The following COX17 variants were observed in gnomAD, a reference collection of about 807,000 sequenced individuals.
The protein encoded by COX17 is cytochrome c oxidase copper chaperone.
Under a neutral mutation model 6.3 loss-of-function variants are expected in COX17, and 1 was observed. That is an observed-to-expected ratio of 0.16 (90% CI 0.06 to 0.75). The LOEUF is 0.75. Ranked by LOEUF, COX17 falls within the 30% of genes least tolerant of loss-of-function variation. COX17 has a pLI of 0.77. For synonymous variants in COX17, 26 were observed against 30.5 expected (o/e 0.85, Z 0.49); for missense variants, 73 against 81.2 (o/e 0.90, Z 0.39).
chr3:119,674,268 G>T (rs1364463867), intron 2 of COX17: 1 of 152,358 alleles, frequency 6.6e-6, no homozygotes, highest in African/African-American at 2.4e-5. Flanking sequence ...CCCACGTCTG[G>T]GAAGTGAGGA....
downstream of COX17, chr3:119,665,210 T>C (rs1158053622): frequency 6.6e-6 from 1 of 152,182 alleles, no homozygotes; most frequent in Admixed American, 6.5e-5. Context: ...GTGGGGGAGC[T>C]TCTGGGAAAA....
In COX17 at chr3:119,677,306, G is replaced by A. The variant is rs11558040; in HGVS notation, c.5C>T (p.Pro2Leu). Residue 2 changes from proline (P) to leucine (L), a missense_variant, in exon 1 of 3, where the codon CCG (proline) becomes CTG (leucine). Pro to Leu is a moderately conservative substitution (Grantham distance 98). Coordinates refer to ENST00000261070, the MANE Select transcript of COX17 (RefSeq NM_005694.2). ...GGCAGGGTTTGAGTCAACCAGACCC[G>A]GCATCTTTCGCGCCAAAAGCAGCTA... Reference protein sequence around the residue: MPGLVDSNPAPP... With the variant: MLGLVDSNPAPP... 1.2e-6 allele frequency: 2 copies of A among 1,610,966 alleles called. No individual in the cohort carries two copies. Among genetic ancestry groups the A allele is most frequent in the African/African-American group, 1.3e-5 (1 of 74,982 alleles).
chr3:119,667,376 T>C (rs1559734027), downstream of COX17, among the ~76,000 whole-genome samples: 1 of 152,180 alleles, frequency 6.6e-6, no homozygotes, highest in East Asian at 1.9e-4. Context: ...CTTTTAAGTG[T>C]TGCAGAGGCC....
chr3:119,667,137 TAG>T, downstream of COX17, among the ~76,000 whole-genome samples: 1 of 152,196 alleles, frequency 6.6e-6, no homozygotes, highest in African/African-American at 2.4e-5. Flanking sequence ...AACGGGGGAC[TAG>T]AGAGAATAGT....
intron 1 of COX17, 67 bp from the exon 2 acceptor site, chr3:119,675,300 G>A: frequency 8.9e-7 from 1 of 1,119,184 alleles, no homozygotes; most frequent in Non-Finnish European, 1.4e-6. Flanking sequence ...GCATGATAGT[G>A]ATGGGGAGTG....
chr3:119,667,897 AC>A (rs1287002767), downstream of COX17, among the ~76,000 whole-genome samples: 25 of 152,184 alleles, frequency 1.6e-4, no homozygotes, highest in African/African-American at 5.8e-4. Context: ...CCAGACTGAG[AC>A]CCAATTCCTA....
At chr3:119,672,113 AGATG>A (rs1243851885) in intron 2 of COX17, among the ~76,000 whole-genome samples, 1 of 152,232 alleles carries the variant, frequency 6.6e-6, no homozygotes, top group East Asian at 1.9e-4. Context: ...TGGTTTTTAC[AGATG>A]ATTTATTTTA....
Position 119,669,925 on chromosome 3 carries a change from A to G in COX17, c.*5-260T>C, listed in dbSNP as rs547352694. On this transcript the variant is annotated intron_variant, in intron 2 of 2. Transcript: ENST00000261070. The stretch of plus-strand genomic sequence containing the variant: ...AAGTAAAAACTCTCTCTGCGTGTAT[A>G]TATATATAATACATATGTGTGTGTT... Among the ~76,000 whole-genome samples the G allele has an allele frequency of 3.3e-5, 5 of 152,332 alleles. No individual in the cohort carries two copies. In the South Asian group the frequency reaches 1.0e-3, roughly 32 times the overall value.
chr3:119,676,935 G>C (rs941246465), intron 1 of COX17: 6 of 691,982 alleles, frequency 8.7e-6, no homozygotes, highest in Non-Finnish European at 1.6e-5. Context: ...ACTAAGCTAC[G>C]GGATAAGTCA....
chr3:119,676,316 A>C (rs926750577), intron 1 of COX17, among the ~76,000 whole-genome samples: 5 of 152,190 alleles, frequency 3.3e-5, no homozygotes, highest in East Asian at 3.8e-4. Context: ...CAAAGTACTG[A>C]GGATTAATAA....
chr3:119,674,122 C>T (rs527329815), intron 2 of COX17, among the ~76,000 whole-genome samples: 5 of 150,036 alleles, frequency 3.3e-5, no homozygotes, highest in South Asian at 2.1e-4. Flanking sequence ...ATGTGAGGAG[C>T]GCCTCTGCCT....
At chr3:119,665,644 G>C (rs147229931), downstream of COX17, among the ~76,000 whole-genome samples, 735 of 152,318 alleles carry the variant, frequency 4.8e-3, 4 homozygotes, top group African/African-American at 0.017. Context: ...AAAGTGCTGG[G>C]ATTACAGGCA....
chr3:119,676,078 T>C (rs1179328252), intron 1 of COX17, among the ~76,000 whole-genome samples: 1 of 152,260 alleles, frequency 6.6e-6, no homozygotes, highest in Non-Finnish European at 1.5e-5. Context: ...TGACATGGCT[T>C]GTATCATTAA....
chr3:119,667,496 T>G (rs536456542), downstream of COX17, among the ~76,000 whole-genome samples: 1 of 151,758 alleles, frequency 6.6e-6, no homozygotes, highest in Non-Finnish European at 1.5e-5. Flanking sequence ...GACACTAAGG[T>G]GTAAATGGAT....
chr3:119,677,104 G>T, intron 1 of COX17, 100 bp downstream of exon 1: 1 of 877,694 alleles, frequency 1.1e-6, no homozygotes, highest in South Asian at 1.4e-5. Context: ...GAGGGCAGAG[G>T]GCAGAAGGCA....
chr3:119,676,293 C>T (rs1380279181), intron 1 of COX17, among the ~76,000 whole-genome samples: 2 of 152,194 alleles, frequency 1.3e-5, no homozygotes, highest in African/African-American at 2.4e-5. Flanking sequence ...TTCAATCCTA[C>T]CCGTATTATT....
At chr3:119,665,080 T>C (rs2052982079), downstream of COX17, among the ~76,000 whole-genome samples, 1 of 152,208 alleles carries the variant, frequency 6.6e-6, no homozygotes, top group Non-Finnish European at 1.5e-5. Flanking sequence ...AGGTGGGCTT[T>C]TCCCCAAGTT....
chr3:119,676,211 T>A (rs972123593), intron 1 of COX17, among the ~76,000 whole-genome samples: 2 of 152,234 alleles, frequency 1.3e-5, no homozygotes, highest in Non-Finnish European at 2.9e-5. Context: ...AGACTCTTAA[T>A]CATGCTGTCA....
At chr3:119,668,679 G>C (rs1356463377), downstream of COX17, among the ~76,000 whole-genome samples, 1 of 151,322 alleles carries the variant, frequency 6.6e-6, no homozygotes, top group Non-Finnish European at 1.5e-5. Context: ...AGAATCTTAA[G>C]GAATCATCTG....
Sources: allele counts gnomAD v4.1 joint callset (sites outside exome capture counted in the v4.1 genomes callset), GRCh38; gene constraint gnomAD v4.1.1; transcripts MANE v1.5; gene names NCBI Gene and HGNC (gene_info 2026-07-23, HGNC 2026-07-21).